DNAH14: variants seen among roughly 807,000 people sequenced by gnomAD.
The protein encoded by DNAH14 is dynein axonemal heavy chain 14, also known as axonemal beta dynein heavy chain 14.
A neutral mutation model predicts 520.9 loss-of-function variants in DNAH14; 478 were observed. The ratio of observed to expected loss-of-function variants is 0.92; its 90% CI spans 0.85 to 0.99. DNAH14 has a LOEUF of 0.99. DNAH14 is among the 50% of genes least tolerant of loss of function. The pLI is 0.00. For synonymous variants in DNAH14, 1,581 were observed against 1,757.2 expected (o/e 0.90, Z 2.51); for missense variants, 4,831 against 5,234.5 (o/e 0.92, Z 2.38).
At position 224,997,909 on chromosome 1, in the gene DNAH14, C is replaced by T. The variant is rs911163472; in HGVS notation, c.831-4874C>T. ...AAACCAAACACCACATGTTCTCACT[C>T]ATAGGTGGGAATTGAACAATGAGAA... On this transcript the variant is annotated intron_variant, in intron 8 of 85. Coordinates refer to ENST00000682510, the MANE Select transcript of DNAH14 (RefSeq NM_001367479.1). Among the ~76,000 whole-genome samples, 4 of 152,036 alleles carry T rather than the reference C, an allele frequency of 2.6e-5. No homozygotes were observed. In the South Asian group the frequency reaches 8.3e-4, roughly 31 times the overall value.
At chr1:225,207,317 C>T in intron 41 of DNAH14, 97 bp downstream of exon 41, 2 of 1,314,760 alleles carry the variant, frequency 1.5e-6, no homozygotes, top group Non-Finnish European at 2.0e-6. Context: ...TTTCAAAGAG[C>T]AGGCATTTTT....
intron 68 of DNAH14, among the ~76,000 whole-genome samples, chr1:225,339,331 T>C (rs2095131518): frequency 6.6e-6 from 1 of 151,718 alleles, no homozygotes; most frequent in Non-Finnish European, 1.5e-5. Flanking sequence ...TAATAATAAT[T>C]CTCTCTTCCA....
intron 11 of DNAH14, among the ~76,000 whole-genome samples, chr1:225,034,172 C>T (rs2066756738): frequency 6.6e-6 from 1 of 152,114 alleles, no homozygotes; most frequent in African/African-American, 2.4e-5. Context: ...AGCTTTTGCC[C>T]ATTCAGTATA....
intron 8 of DNAH14, among the ~76,000 whole-genome samples, chr1:224,978,289 ATG>A (rs1448970725): frequency 6.6e-6 from 1 of 152,226 alleles, no homozygotes; most frequent in African/African-American, 2.4e-5. Flanking sequence ...AATGAAGACA[ATG>A]TATATATACA....
chr1:225,214,864 G>A (rs2089056198), intron 41 of DNAH14, among the ~76,000 whole-genome samples: 1 of 152,004 alleles, frequency 6.6e-6, no homozygotes, highest in Non-Finnish European at 1.5e-5. Context: ...ACCAGCTCCT[G>A]GATTCATTGA....
intron 43 of DNAH14, among the ~76,000 whole-genome samples, chr1:225,242,862 A>T (rs1056045933): frequency 6.6e-6 from 1 of 152,212 alleles, no homozygotes; most frequent in African/African-American, 2.4e-5. Context: ...CGATGTTACG[A>T]TGACTATGAT....
At chr1:225,276,152 A>G (rs560940509) in intron 53 of DNAH14, 71 bp downstream of exon 53, 11 of 181,340 alleles carry the variant, frequency 6.1e-5, no homozygotes, top group African/African-American at 2.4e-4. Flanking sequence ...TTTACATACA[A>G]ACATCTATGT....
intron 35 of DNAH14, among the ~76,000 whole-genome samples, chr1:225,162,223 T>G (rs1475447029): frequency 1.3e-5 from 2 of 152,210 alleles, no homozygotes; most frequent in African/African-American, 4.8e-5. Flanking sequence ...TTCTTCTGCA[T>G]ATGGATATCC....
intron 5 of DNAH14, among the ~76,000 whole-genome samples, chr1:224,965,263 G>GA (rs2125587338): frequency 1.3e-5 from 2 of 152,110 alleles, no homozygotes; most frequent in East Asian, 3.9e-4. Context: ...AGCAACACTG[G>GA]AATCACCTTA....
At chr1:225,307,432 C>T in intron 58 of DNAH14, 29 bp from the exon 59 acceptor site, 1 of 1,419,096 alleles carries the variant, frequency 7.0e-7, no homozygotes. Context: ...TTATATCTTA[C>T]ACCTTCTTAA....
At chr1:225,357,799 T>G in intron 73 of DNAH14, 1 of 702,208 alleles carries the variant, frequency 1.4e-6, no homozygotes, top group Non-Finnish European at 2.6e-6. Flanking sequence ...CAGTTTTGCT[T>G]TAAATGATGG....
At chr1:225,327,910 G>T (rs552627605) in intron 64 of DNAH14, among the ~76,000 whole-genome samples, 1 of 152,044 alleles carries the variant, frequency 6.6e-6, no homozygotes, top group South Asian at 2.1e-4. Context: ...AGATAAAAAA[G>T]AAAAAGAAGA....
intron 58 of DNAH14, among the ~76,000 whole-genome samples, chr1:225,306,422 T>C (rs1425011435): frequency 6.6e-6 from 1 of 152,142 alleles, no homozygotes; most frequent in Non-Finnish European, 1.5e-5. Flanking sequence ...AGATTGAGAT[T>C]TTTGTTGGTC....
intron 1 of DNAH14, among the ~76,000 whole-genome samples, chr1:224,944,482 C>T (rs555719687): frequency 2.6e-5 from 4 of 151,908 alleles, no homozygotes; most frequent in African/African-American, 9.7e-5. Context: ...GAGCATTTAG[C>T]CCATTTACAT....
intron 43 of DNAH14, among the ~76,000 whole-genome samples, chr1:225,246,295 A>G (rs2092279262): frequency 3.3e-5 from 5 of 152,126 alleles, no homozygotes; most frequent in Admixed American, 3.3e-4. Flanking sequence ...AACCGAGGCA[A>G]TACCATTCAG....
At chr1:225,170,743 T>C (rs2082540679) in intron 36 of DNAH14, among the ~76,000 whole-genome samples, 1 of 152,168 alleles carries the variant, frequency 6.6e-6, no homozygotes, top group African/African-American at 2.4e-5. Context: ...ATCCACGAAT[T>C]GAATTGAGCT....
chr1:224,987,045 CTGAAAA>C (rs1451086198), intron 8 of DNAH14, among the ~76,000 whole-genome samples: 1 of 151,918 alleles, frequency 6.6e-6, no homozygotes, highest in Non-Finnish European at 1.5e-5. Context: ...AGCAAATAAT[CTGAAAA>C]AGAAATCCAG....
intron 21 of DNAH14, 35 bp from the exon 22 acceptor site, chr1:225,097,083 T>C: frequency 6.7e-7 from 1 of 1,483,500 alleles, no homozygotes; most frequent in Non-Finnish European, 9.0e-7. Flanking sequence ...TTTATATATT[T>C]AGATTTGTAT....
intron 7 of DNAH14, among the ~76,000 whole-genome samples, chr1:224,970,051 G>A (rs903177099): frequency 1.3e-5 from 2 of 152,184 alleles, no homozygotes; most frequent in African/African-American, 4.8e-5. Flanking sequence ...CCACTGATGA[G>A]CTGGAACAGA....
Sources: gnomAD v4.1 joint callset for allele counts (sites outside exome capture counted in the v4.1 genomes callset) on GRCh38, gnomAD v4.1.1 for gene constraint, MANE v1.5 for transcripts, NCBI Gene and HGNC (gene_info 2026-07-23, HGNC 2026-07-21) for gene names.